The following C16orf74 variants were observed in gnomAD, a reference collection of about 807,000 sequenced individuals.
The protein encoded by C16orf74 is calcimembrin, also known as uncharacterized protein C16orf74.
C16orf74 carries 10 observed loss-of-function variants against 6.5 expected under a neutral mutation model. That is an observed-to-expected ratio of 1.54 (90% CI 0.95 to 2.61). The LOEUF (loss-of-function observed/expected upper bound fraction) is 2.61. C16orf74 is among the 30% of genes most tolerant of loss of function. The probability of loss-of-function intolerance (pLI) is 0.00; values close to 1 mark genes in which losing one functional copy is unlikely to be tolerated. For synonymous variants in C16orf74, 60 were observed against 42.5 expected (o/e 1.41, Z -1.60); for missense variants, 141 against 105.9 (o/e 1.33, Z -1.45).
At chr16:85,735,896 C>T (rs996397656) in intron 1 of C16orf74, among the ~76,000 whole-genome samples, 2 of 152,172 alleles carry the variant, frequency 1.3e-5, no homozygotes, top group African/African-American at 4.8e-5. Context: ...GACACTCACT[C>T]CTCAGTAACA....
intron 2 of C16orf74, among the ~76,000 whole-genome samples, chr16:85,716,928 C>T (rs531830157): frequency 6.6e-6 from 1 of 152,334 alleles, no homozygotes; most frequent in South Asian, 2.1e-4. Context: ...ATGTGCCTGC[C>T]TCGGGCTATT....
chr16:85,734,347 T>A (rs2054221481), intron 2 of C16orf74, among the ~76,000 whole-genome samples: 1 of 152,148 alleles, frequency 6.6e-6, no homozygotes, highest in Non-Finnish European at 1.5e-5. Flanking sequence ...GAGGCATTGG[T>A]GAGGCCACAA....
At chr16:85,749,256 G>A (rs550880587) in intron 1 of C16orf74, among the ~76,000 whole-genome samples, 121 of 152,164 alleles carry the variant, frequency 8.0e-4, no homozygotes, top group Non-Finnish European at 1.5e-3. Flanking sequence ...GCCTTTACAA[G>A]CTTCTGTTTC....
In C16orf74 at chr16:85,707,972, G is replaced by C; in HGVS notation, c.*36C>G. 5 of 1,544,628 alleles carry C rather than the reference G, an allele frequency of 3.2e-6. No individual in the cohort carries two copies. The highest frequency in any genetic ancestry group is 4.4e-6 in the Non-Finnish European group (5 of 1,141,630). The stretch of plus-strand genomic sequence containing the variant: ...CCGGACACCTGAAGCCGGGCCGCTG[G>C]AGCAGGAGCCAGCCAGCCAAACCCA... On this transcript the variant is annotated 3_prime_UTR_variant, in exon 4 of 4. Transcript: ENST00000284245.
chr16:85,742,046 C>T (rs1004413805), intron 1 of C16orf74, among the ~76,000 whole-genome samples: 12 of 152,114 alleles, frequency 7.9e-5, no homozygotes. Context: ...TGAGTTCGCT[C>T]CCTATTGGTT....
chr16:85,718,465 A>G (rs1200909868), intron 2 of C16orf74, among the ~76,000 whole-genome samples: 1 of 152,128 alleles, frequency 6.6e-6, no homozygotes, highest in Admixed American at 6.5e-5. Context: ...CATCACACAC[A>G]CACAGGGCTC....
chr16:85,746,738 G>C (rs1464223016), intron 1 of C16orf74, among the ~76,000 whole-genome samples: 3 of 152,222 alleles, frequency 2.0e-5, no homozygotes, highest in Non-Finnish European at 4.4e-5. Context: ...AGCCCCTTCA[G>C]CTCTCTGGGC....
intron 1 of C16orf74, among the ~76,000 whole-genome samples, chr16:85,748,675 T>C (rs1033735072): frequency 6.6e-6 from 1 of 152,176 alleles, no homozygotes; most frequent in Admixed American, 6.5e-5. Context: ...TGGGTTACGA[T>C]AAGGAGTTTG....
At chr16:85,716,501 G>A (rs1485881910) in intron 2 of C16orf74, among the ~76,000 whole-genome samples, 1 of 141,116 alleles carries the variant, frequency 7.1e-6, no homozygotes, top group East Asian at 2.2e-4. Flanking sequence ...AAGGAGAGGA[G>A]GAAGGGAGGG....
At chr16:85,739,442 G>C (rs540430434) in intron 1 of C16orf74, among the ~76,000 whole-genome samples, 3 of 152,194 alleles carry the variant, frequency 2.0e-5, no homozygotes, top group African/African-American at 7.2e-5. Context: ...AAAGAATGAT[G>C]TCTGGAATTT....
intron 2 of C16orf74, among the ~76,000 whole-genome samples, chr16:85,734,647 G>A (rs559165892): frequency 3.1e-4 from 47 of 152,312 alleles, no homozygotes; most frequent in African/African-American, 1.1e-3. Flanking sequence ...AATGGACTTG[G>A]GATGGGAGGT....
chr16:85,715,763 G>T (rs188950865), intron 2 of C16orf74, among the ~76,000 whole-genome samples: 1 of 152,308 alleles, frequency 6.6e-6, no homozygotes, highest in Non-Finnish European at 1.5e-5. Flanking sequence ...GCGGAGGGGA[G>T]CTGAGATCTA....
chr16:85,713,391 G>A (rs573587852), intron 2 of C16orf74, among the ~76,000 whole-genome samples: 82 of 152,228 alleles, frequency 5.4e-4, no homozygotes, highest in African/African-American at 1.9e-3. Flanking sequence ...TCCTGTCTCA[G>A]CCTCCCAAGT....
At chr16:85,717,843 T>G (rs1355255349) in intron 2 of C16orf74, among the ~76,000 whole-genome samples, 2 of 152,166 alleles carry the variant, frequency 1.3e-5, no homozygotes, top group African/African-American at 2.4e-5. Context: ...CCCACTGCCC[T>G]CACCATTGCT....
intron 3 of C16orf74, 138 bp from the exon 4 acceptor site, chr16:85,708,204 C>G: frequency 1.4e-6 from 1 of 707,530 alleles, no homozygotes; most frequent in South Asian, 1.8e-5. Context: ...TGGGACCCAG[C>G]CCAGTGATGC....
intron 1 of C16orf74, among the ~76,000 whole-genome samples, chr16:85,739,456 G>A (rs1459215340): frequency 2.0e-5 from 3 of 152,212 alleles, no homozygotes. Context: ...GGAATTTGCT[G>A]TAAAATACTT....
At chr16:85,712,886 CA>C (rs1292460498) in intron 2 of C16orf74, among the ~76,000 whole-genome samples, 3 of 152,166 alleles carry the variant, frequency 2.0e-5, no homozygotes, top group Non-Finnish European at 4.4e-5. Flanking sequence ...ACTGGGTGTC[CA>C]AAGGCGTGAT....
At chr16:85,714,502 C>T (rs2054002129) in intron 2 of C16orf74, among the ~76,000 whole-genome samples, 1 of 152,002 alleles carries the variant, frequency 6.6e-6, no homozygotes, top group African/African-American at 2.4e-5. Flanking sequence ...TCACTGCAAC[C>T]TCTGCCTCCT....
chr16:85,716,795 G>A, intron 2 of C16orf74, among the ~76,000 whole-genome samples: 1 of 152,082 alleles, frequency 6.6e-6, no homozygotes, highest in Non-Finnish European at 1.5e-5. Context: ...AGCAGAGGTG[G>A]CCAAACAGGA....
Sources: allele counts gnomAD v4.1 joint callset (sites outside exome capture counted in the v4.1 genomes callset), GRCh38; gene constraint gnomAD v4.1.1; transcripts MANE v1.5; gene names NCBI Gene and HGNC (gene_info 2026-07-23, HGNC 2026-07-21).